The following DYM variants were observed in gnomAD, a reference collection of about 807,000 sequenced individuals.
DYM encodes the protein dymeclin.
A neutral mutation model predicts 93.1 loss-of-function variants in DYM; 78 were observed. That is an observed-to-expected ratio of 0.84 (90% CI 0.70 to 1.01). The LOEUF (loss-of-function observed/expected upper bound fraction) is 1.01. DYM is among the 50% of genes least tolerant of loss of function. The pLI, the probability that DYM is intolerant of heterozygous loss-of-function variation, is 0.00. For missense variants in DYM, 789 were observed against 845.0 expected (o/e 0.93, Z 0.82); for synonymous variants, 321 against 319.7 (o/e 1.00, Z -0.04).
At chr18:49,107,138 C>A (rs542873721) in intron 16 of DYM, among the ~76,000 whole-genome samples, 5 of 152,120 alleles carry the variant, frequency 3.3e-5, no homozygotes, top group African/African-American at 1.2e-4. Flanking sequence ...CTTCTCTTCT[C>A]GCTTCATTTC....
At chr18:49,102,231 G>A (rs1010117028) in intron 16 of DYM, among the ~76,000 whole-genome samples, 3 of 152,234 alleles carry the variant, frequency 2.0e-5, no homozygotes, top group African/African-American at 2.4e-5. Context: ...ACTTTGCGCT[G>A]TGCAGACATT....
intron 14 of DYM, among the ~76,000 whole-genome samples, chr18:49,192,775 T>C (rs2091097818): frequency 6.6e-6 from 1 of 152,184 alleles, no homozygotes; most frequent in Admixed American, 6.5e-5. Flanking sequence ...TGTGGTTTTA[T>C]ATAAATTTTA....
chr18:49,301,706 T>C (rs2060948573), intron 8 of DYM, among the ~76,000 whole-genome samples: 1 of 152,172 alleles, frequency 6.6e-6, no homozygotes, highest in Non-Finnish European at 1.5e-5. Flanking sequence ...ACACTAACAC[T>C]AGTAGTCTCC....
chr18:49,206,812 G>A (rs140948080), intron 14 of DYM, among the ~76,000 whole-genome samples: 421 of 152,178 alleles, frequency 2.8e-3, no homozygotes, highest in Non-Finnish European at 4.8e-3. Flanking sequence ...AATACCCCCT[G>A]GAGGCTTCAT....
chr18:49,289,750 T>TATATATACAC (rs1555678649), intron 8 of DYM, among the ~76,000 whole-genome samples: 4 of 41,558 alleles, frequency 9.6e-5, no homozygotes, highest in Non-Finnish European at 4.5e-5. Context: ...TATATATATA[T>TATATATACAC]ATATATATAT....
intron 16 of DYM, among the ~76,000 whole-genome samples, chr18:49,112,813 G>A (rs2081546237): frequency 1.3e-5 from 2 of 152,090 alleles, no homozygotes; most frequent in Admixed American, 1.3e-4. Context: ...TTCCCAGCCA[G>A]TTCCCCATAA....
chr18:49,319,138 A>T (rs1381097154), intron 8 of DYM, among the ~76,000 whole-genome samples: 1 of 152,182 alleles, frequency 6.6e-6, no homozygotes, highest in African/African-American at 2.4e-5. Context: ...TTTTAGAAAC[A>T]TTGTTGCAAA....
chr18:49,067,979 A>T (rs1461315941), intron 17 of DYM, among the ~76,000 whole-genome samples: 1 of 152,170 alleles, frequency 6.6e-6, no homozygotes, highest in African/African-American at 2.4e-5. Flanking sequence ...CACAAAGAGG[A>T]TAGGTCAATG....
chr18:49,089,301 T>C (rs896676347), intron 17 of DYM, among the ~76,000 whole-genome samples: 27 of 152,252 alleles, frequency 1.8e-4, no homozygotes, highest in African/African-American at 6.3e-4. Context: ...GGGATACTTA[T>C]GTCAGACTGA....
At chr18:49,399,710 C>T (rs57958379) in intron 2 of DYM, among the ~76,000 whole-genome samples, 17,849 of 151,892 alleles carry the variant, frequency 0.12, 1,394 homozygotes, top group Non-Finnish European at 0.17. Context: ...CTATGGCCCC[C>T]ACTAGATTGT....
intron 6 of DYM, among the ~76,000 whole-genome samples, chr18:49,344,837 T>C (rs1159820614): frequency 1.3e-5 from 2 of 152,186 alleles, no homozygotes; most frequent in Non-Finnish European, 2.9e-5. Context: ...TTTCCAATCA[T>C]TCATTGGGTA....
intron 3 of DYM, among the ~76,000 whole-genome samples, chr18:49,384,761 A>G (rs2068423278): frequency 1.3e-5 from 2 of 152,228 alleles, no homozygotes; most frequent in South Asian, 4.1e-4. Flanking sequence ...CTGGCAGTGT[A>G]GAAAACATTG....
chr18:49,062,476 C>A (rs1308878637), intron 17 of DYM, among the ~76,000 whole-genome samples: 1 of 152,174 alleles, frequency 6.6e-6, no homozygotes, highest in Non-Finnish European at 1.5e-5. Flanking sequence ...GTCCTCCTGC[C>A]ATAAATGTGA....
intron 17 of DYM, among the ~76,000 whole-genome samples, chr18:49,080,397 A>C (rs1330226079): frequency 2.3e-5 from 2 of 86,126 alleles, no homozygotes; most frequent in African/African-American, 4.6e-5. Flanking sequence ...TGAGCCCCCC[A>C]CCTCCCTCCC....
At chr18:49,436,725 G>A (rs1275326997) in intron 1 of DYM, among the ~76,000 whole-genome samples, 1 of 151,996 alleles carries the variant, frequency 6.6e-6, no homozygotes, top group African/African-American at 2.4e-5. Context: ...AAAGAGTGTT[G>A]GTTTGCTGAC....
chr18:49,280,524 C>T (rs897866297), intron 10 of DYM, among the ~76,000 whole-genome samples: 4 of 152,138 alleles, frequency 2.6e-5, no homozygotes, highest in African/African-American at 9.7e-5. Context: ...TAAAAATCTC[C>T]TTGAGATTTT....
intron 1 of DYM, among the ~76,000 whole-genome samples, chr18:49,443,061 T>C (rs1472944303): frequency 6.6e-6 from 1 of 152,154 alleles, no homozygotes; most frequent in Non-Finnish European, 1.5e-5. Flanking sequence ...TTGGCCAGGC[T>C]GGTCTCAAAC....
In DYM at chr18:49,043,126, T is replaced by C. The variant is rs2071054066; in HGVS notation, c.*929A>G. 1 of 152,082 alleles carries C rather than the reference T, an allele frequency of 6.6e-6. No homozygotes were observed. Among genetic ancestry groups the C allele is most frequent in the Admixed American group, 6.5e-5 (1 of 15,274 alleles). 9.4% of individuals were successfully genotyped at this position (152,082 alleles called of 1,614,324 possible). On this transcript the variant is annotated 3_prime_UTR_variant, in exon 18 of 18. Coordinates refer to ENST00000675505, the MANE Select transcript of DYM (RefSeq NM_001353214.3). ...GAGAAGTAGCCATTTTCTTTTTCTT[T>C]TCTTTCTTTTTTTTTTTTTGCGAGA... is the stretch of plus-strand genomic sequence containing the variant.
chr18:49,204,029 A>G (rs987663564), intron 14 of DYM, among the ~76,000 whole-genome samples: 3 of 152,046 alleles, frequency 2.0e-5, no homozygotes, highest in African/African-American at 7.2e-5. Flanking sequence ...TTTACACAGC[A>G]CCTATATCTA....
Sources: allele counts gnomAD v4.1 joint callset (sites outside exome capture counted in the v4.1 genomes callset), GRCh38; gene constraint gnomAD v4.1.1; transcripts MANE v1.5; gene names NCBI Gene and HGNC (gene_info 2026-07-23, HGNC 2026-07-21).